Variants in PARD3 observed in about 807,000 individuals in gnomAD.
PARD3 encodes the protein par-3 family cell polarity regulator.
A neutral mutation model predicts 155.4 loss-of-function variants in PARD3; 75 were observed. The observed-to-expected ratio is 0.48, with a 90% CI of 0.40 to 0.58. The LOEUF (loss-of-function observed/expected upper bound fraction) is 0.58, where lower values mean the gene tolerates loss of function less well. Among genes scored for constraint, PARD3 ranks in the 20% least tolerant of loss-of-function variants. PARD3 has a pLI of 0.00. For synonymous variants in PARD3, 576 were observed against 610.5 expected (o/e 0.94, Z 0.83); for missense variants, 1,642 against 1,721.7 (o/e 0.95, Z 0.82).
chr10:34,615,611 C>CA (rs2091199755), intron 2 of PARD3, among the ~76,000 whole-genome samples: 1 of 152,108 alleles, frequency 6.6e-6, no homozygotes, highest in Non-Finnish European at 1.5e-5. Context: ...AAAATTATAT[C>CA]AGACTAAAAG....
At chr10:34,654,228 T>C (rs1040454505) in intron 2 of PARD3, among the ~76,000 whole-genome samples, 2 of 150,450 alleles carry the variant, frequency 1.3e-5, no homozygotes, top group Non-Finnish European at 3.0e-5. Context: ...TACTGGCTCC[T>C]GGGAAAGAAT....
chr10:34,731,215 T>C (rs1298680414), intron 1 of PARD3, among the ~76,000 whole-genome samples: 1 of 152,234 alleles, frequency 6.6e-6, no homozygotes, highest in Non-Finnish European at 1.5e-5. Flanking sequence ...TAGGAATTCT[T>C]CTACAGAGCA....
intron 3 of PARD3, among the ~76,000 whole-genome samples, chr10:34,508,836 G>C (rs910971133): frequency 6.6e-6 from 1 of 152,118 alleles, no homozygotes; most frequent in Admixed American, 6.5e-5. Flanking sequence ...AAGTGGATCT[G>C]CACTCAGGAG....
intron 1 of PARD3, among the ~76,000 whole-genome samples, chr10:34,750,591 A>G (rs1835900873): frequency 6.6e-6 from 1 of 152,048 alleles, no homozygotes; most frequent in South Asian, 2.1e-4. Context: ...GTGAGGAGTT[A>G]GGGGCAGGGA....
At chr10:34,290,838 G>A (rs1956642292) in intron 20 of PARD3, among the ~76,000 whole-genome samples, 1 of 152,160 alleles carries the variant, frequency 6.6e-6, no homozygotes, top group Non-Finnish European at 1.5e-5. Context: ...GCTGCCCAAT[G>A]AGCTGGCCTC....
At chr10:34,519,801 G>A (rs534499327) in intron 2 of PARD3, among the ~76,000 whole-genome samples, 3 of 149,082 alleles carry the variant, frequency 2.0e-5, no homozygotes, top group East Asian at 2.0e-4. Context: ...GAAACAGAGC[G>A]AGACTCCATC....
intron 22 of PARD3, among the ~76,000 whole-genome samples, chr10:34,254,390 CAAAAACA>C (rs1319961812): frequency 2.2e-5 from 2 of 90,422 alleles, no homozygotes; most frequent in African/African-American, 1.5e-4. Context: ...AAAACAAAAA[CAAAAACA>C]AAAACAAAAA....
At chr10:34,439,452 AT>A (rs1309245380) in intron 5 of PARD3, among the ~76,000 whole-genome samples, 1 of 151,238 alleles carries the variant, frequency 6.6e-6, no homozygotes, top group Admixed American at 6.6e-5. Context: ...AAATAAAAAC[AT>A]TTTTTAATTT....
At chr10:34,306,913 G>A (rs1224487520) in intron 20 of PARD3, among the ~76,000 whole-genome samples, 1 of 151,610 alleles carries the variant, frequency 6.6e-6, no homozygotes, top group Non-Finnish European at 1.5e-5. Context: ...TTGAGACGGA[G>A]TCTCGTTCTG....
At chr10:34,398,108 G>A (rs1000469851) in intron 7 of PARD3, among the ~76,000 whole-genome samples, 3 of 152,034 alleles carry the variant, frequency 2.0e-5, no homozygotes, top group Non-Finnish European at 2.9e-5. Context: ...AAAATTCAAG[G>A]TGAATGTTAT....
rs140051066 is a variant in PARD3, at chr10:34,202,700, T to A, written c.3419+66957A>T. On this transcript the variant is annotated intron_variant, in intron 22 of 24. Coordinates refer to ENST00000374788, the MANE Select transcript of PARD3 (RefSeq NM_001184785.2). ...GGGTGGCATTTCTTATATGCATCAA[T>A]ATAGCCAAATTACATTCTAGAATCT... Among the ~76,000 whole-genome samples the A allele has an allele frequency of 4.6e-4, 70 of 152,350 alleles. 1 individual carries two copies. Among genetic ancestry groups the A allele is most frequent in the African/African-American group, 1.6e-3 (66 of 41,586 alleles).
chr10:34,328,149 A>G (rs1473131354), intron 19 of PARD3, among the ~76,000 whole-genome samples: 1 of 152,182 alleles, frequency 6.6e-6, no homozygotes, highest in Non-Finnish European at 1.5e-5. Flanking sequence ...CATTTGATAG[A>G]CAATTTTTTT....
chr10:34,351,031 A>G (rs1838021550), intron 14 of PARD3, among the ~76,000 whole-genome samples: 1 of 152,252 alleles, frequency 6.6e-6, no homozygotes, highest in African/African-American at 2.4e-5. Context: ...TGAATAATGA[A>G]AATTCATGTG....
chr10:34,478,701 G>A (rs1200451108), intron 3 of PARD3, among the ~76,000 whole-genome samples: 2 of 152,052 alleles, frequency 1.3e-5, no homozygotes, highest in African/African-American at 2.4e-5. Context: ...GTGCCACCAC[G>A]CCCAGCTAAT....
chr10:34,475,527 TTTTC>T (rs2078649042), intron 3 of PARD3, among the ~76,000 whole-genome samples: 1 of 152,178 alleles, frequency 6.6e-6, no homozygotes, highest in Non-Finnish European at 1.5e-5. Context: ...GAATGTGAAG[TTTTC>T]TTTCTTTGTT....
chr10:34,452,307 C>T (rs534932972), intron 4 of PARD3, among the ~76,000 whole-genome samples: 2 of 152,242 alleles, frequency 1.3e-5, no homozygotes, highest in African/African-American at 4.8e-5. Context: ...AGTACCAGTT[C>T]ATGAGGGGAA....
chr10:34,331,150 C>A lies in PARD3; in HGVS notation c.2800G>T (p.Ala934Ser). The change falls in exon 19 of 25, where the codon GCG becomes TCG. Residue 934 changes from alanine (A) to serine (S), a missense_variant. Physicochemically the swap from Ala to Ser is moderately conservative, Grantham distance 99 (BLOSUM62 1). Around this residue, in one of 3 missense-constraint regions of PARD3, gnomAD observed 1,529 missense variants for 1,587.3 expected, o/e 0.96. Transcript: ENST00000374788. ...ATGCCTTCATCATCATCATCTACCG[C>A]GGGTTTATCATAAGATTTGTCGATG... ...AAIDKSYDKP[A>S]VDDDDEGMET... is the part of the protein sequence containing the mutation. The A allele has an allele frequency of 6.2e-7, 1 of 1,613,844 alleles. No homozygotes were observed. Among genetic ancestry groups the A allele is most frequent in the East Asian group, 2.2e-5 (1 of 44,880 alleles).
chr10:34,500,492 A>G (rs1348274604), intron 3 of PARD3, among the ~76,000 whole-genome samples: 1 of 152,220 alleles, frequency 6.6e-6, no homozygotes, highest in Non-Finnish European at 1.5e-5. Flanking sequence ...CTGTAATCCC[A>G]GCACTTTGGG....
intron 1 of PARD3, among the ~76,000 whole-genome samples, chr10:34,747,999 G>C (rs962125328): frequency 2.0e-5 from 3 of 152,156 alleles, no homozygotes; most frequent in Admixed American, 6.5e-5. Flanking sequence ...CAGCCATGGA[G>C]CAGAGAGGGA....
Sources: allele counts gnomAD v4.1 joint callset (sites outside exome capture counted in the v4.1 genomes callset), GRCh38; gene constraint gnomAD v4.1.1; regional missense constraint gnomAD v4.1.1; transcripts MANE v1.5; gene names NCBI Gene and HGNC (gene_info 2026-07-23, HGNC 2026-07-21).